The following TMC4 variants were observed in gnomAD, a reference collection of about 807,000 sequenced individuals.
TMC4 encodes voltage-gated chloride channel TMC4.
A neutral mutation model predicts 82.0 loss-of-function variants in TMC4; 70 were observed. That is an observed-to-expected ratio of 0.85 (90% CI 0.70 to 1.04). The LOEUF is 1.04. Among genes scored for constraint, TMC4 ranks in the 50% least tolerant of loss-of-function variants. The pLI is 0.00. For missense variants in TMC4, 879 were observed against 899.0 expected, an observed-to-expected ratio of 0.98 and a Z score of 0.28; for synonymous variants, 446 against 406.0, an observed-to-expected ratio of 1.10 and a Z score of -1.18.
chr19:54,165,415 G>A lies in TMC4; in HGVS notation c.945+4C>T, dbSNP rs1025836822. Reference sequence around the variant, plus strand: ...CAGTTGCAGACCCCGCTCCCTAATCGCACCTTTAATTCGTACAAGATGATG... The same window carrying A: ...CAGTTGCAGACCCCGCTCCCTAATCACACCTTTAATTCGTACAAGATGATG... On this transcript the variant is annotated splice_donor_region_variant and intron_variant, in intron 6 of 14. Transcript: ENST00000619895. 2 of 1,591,716 alleles carry A rather than the reference G, an allele frequency of 1.3e-6. No individual in the cohort carries two copies. Among genetic ancestry groups the A allele is most frequent in the South Asian group, 1.1e-5 (1 of 90,286 alleles).
chr19:54,163,977 C>CA, intron 7 of TMC4, 90 bp from the exon 8 acceptor site: 2 of 1,019,346 alleles, frequency 2.0e-6, no homozygotes, highest in Non-Finnish European at 2.7e-6. Flanking sequence ...TCTTCTTCTT[C>CA]TTTTTTTTTT....
At chr19:54,169,726 G>A in intron 2 of TMC4, 66 bp from the exon 3 acceptor site, 1 of 1,587,262 alleles carries the variant, frequency 6.3e-7, no homozygotes, top group Non-Finnish European at 8.6e-7. Flanking sequence ...TCTGAATGTA[G>A]ACACAATCCA....
intron 2 of TMC4, 36 bp downstream of exon 2, chr19:54,171,834 G>A (rs367777461): frequency 4.4e-5 from 68 of 1,549,746 alleles, no homozygotes; most frequent in African/African-American, 4.0e-4. Flanking sequence ...GGCCCGGTCC[G>A]GGCTGTGCGG....
At position 54,160,152 on chromosome 19, in the gene TMC4, A is replaced by G. The variant is rs1196827315; in HGVS notation, c.*154T>C. ...TTATTGATACAAGGAAGATCACCCG[A>G]GAGTCAGGGACGTGGCGGCGAGGGG... On this transcript the variant is annotated 3_prime_UTR_variant, in exon 15 of 15. Coordinates refer to ENST00000619895, the MANE Select transcript of TMC4 (RefSeq NM_144686.4). 12 of 810,456 alleles carry G rather than the reference A, an allele frequency of 1.5e-5. No individual in the cohort carries two copies. Among genetic ancestry groups the G allele is most frequent in the Non-Finnish European group, 2.1e-5 (11 of 535,558 alleles). 50.2% of individuals were successfully genotyped at this position (810,456 alleles called of 1,614,324 possible).
intron 10 of TMC4, 52 bp from the exon 11 acceptor site, chr19:54,162,337 T>A: frequency 7.7e-7 from 1 of 1,303,872 alleles, no homozygotes; most frequent in South Asian, 1.8e-5. Context: ...CGGCCTGGAG[T>A]TTCCACGCCT....
chr19:54,163,546 T>G (rs1242315322), intron 8 of TMC4, 178 bp downstream of exon 8: 3 of 751,226 alleles, frequency 4.0e-6, no homozygotes, highest in African/African-American at 1.7e-5. Context: ...GACCTCAGCC[T>G]CGGCCTCCCA....
rs1055160044 is a variant in TMC4 at position 54,164,613 on chromosome 19, A to C, written c.946-12T>G. 1 of 1,612,148 alleles carries C rather than the reference A, an allele frequency of 6.2e-7. No individual in the cohort carries two copies. Among genetic ancestry groups the C allele is most frequent in the Non-Finnish European group, 8.5e-7 (1 of 1,179,880 alleles). On this transcript the variant is annotated splice_polypyrimidine_tract_variant and intron_variant, in intron 6 of 14. Coordinates refer to ENST00000619895, the MANE Select transcript of TMC4 (RefSeq NM_144686.4). The stretch of plus-strand genomic sequence containing the variant: ...TCCTCCAGCTCCACCTGAAGGCAGG[A>C]GAGATGCCCGCTTGGACTCCATTTC...
chr19:54,162,304 C>CCGGGCCGGAGTCAGGGGAGTGG lies in TMC4; in HGVS notation c.1503-41_1503-20dup. On this transcript the variant is annotated intron_variant, in intron 10 of 14. Coordinates refer to ENST00000619895, the MANE Select transcript of TMC4 (RefSeq NM_144686.4). ...GAGGAGCCTGAAGGACGGGGCGGGG[C>CCGGGCCGGAGTCAGGGGAGTGG]CGGGCCGGAGTCAGGGGAGTGGCGG... is the stretch of plus-strand genomic sequence containing the variant. 7.1e-7 allele frequency: 1 copy of CCGGGCCGGAGTCAGGGGAGTGG among 1,409,030 alleles called. No homozygotes were observed. The allele number at this position is 1,409,030 out of a possible 1,614,324, so 87.3% of individuals were successfully genotyped here.
chr19:54,162,896 T>A, intron 9 of TMC4, 126 bp from the exon 10 acceptor site: 1 of 1,547,512 alleles, frequency 6.5e-7, no homozygotes, highest in Non-Finnish European at 8.8e-7. Context: ...TCCTCGTTTT[T>A]CAAACTTTCA....
chr19:54,163,144 G>A lies in TMC4; in HGVS notation c.1293C>T (p.Arg431=), dbSNP rs1032559162. 1.9e-6 allele frequency: 3 copies of A among 1,613,802 alleles called. No homozygotes were observed. Among genetic ancestry groups the A allele is most frequent in the African/African-American group, 2.7e-5 (2 of 74,798 alleles). Residue 431 remains arginine, a synonymous_variant, in exon 9 of 15, where the codon CGC becomes CGT. Transcript: ENST00000619895. ...AGAGCAGGACCACCAGGGAGGCGAG[G>A]CGAAGAAACACGGTCCTGAAGGGGG... The part of the protein sequence containing the change: ...VFILLRTVFL[R]LASLVVLLFS...
chr19:54,169,567 T>C lies in TMC4; in HGVS notation c.387A>G (p.Thr129=). 1 of 1,613,942 alleles carries C rather than the reference T, an allele frequency of 6.2e-7. No individual in the cohort carries two copies. The highest frequency in any genetic ancestry group is 8.5e-7 in the Non-Finnish European group (1 of 1,180,032). Residue 129 remains threonine (T), a synonymous_variant, in exon 3 of 15, where the codon ACA becomes ACG. Transcript: ENST00000619895. The part of the protein sequence containing the change: ...ARLLRRSKEK[T]KEGLRSLQPW... The stretch of plus-strand genomic sequence containing the variant: ...GCTGCAGGCTTCGCAAGCCTTCCTT[T>C]GTTTTCTCCTTGGACCTCCGAAGTA...
rs79148248 is a variant in TMC4 at position 54,172,032 on chromosome 19, C to T, written c.131G>A (p.Arg44Gln). 5.2e-4 allele frequency: 838 copies of T among 1,613,184 alleles called. 3 individuals carry two copies. The African/African-American group carries it at 9.9e-3, about 19-fold the overall frequency. ...AGGCAGCACCCCAGGGTCTCGGTAC[C>T]GAAGGGTGGCAGCACTGGGCAGCTC... ...LNELPSAATLRYRDPGVLPWG... is the reference protein window; with the variant it reads ...LNELPSAATLQYRDPGVLPWG... The change falls in exon 2 of 15, where the codon CGG (arginine) becomes CAG (glutamine). Residue 44 changes from arginine to glutamine, a missense_variant. Transcript: ENST00000619895.
Position 54,160,989 on chromosome 19 carries a change from G to C in TMC4, c.1862C>G (p.Ser621Cys). 6.2e-7 allele frequency: 1 copy of C among 1,614,198 alleles called. No individual in the cohort carries two copies. The highest frequency in any genetic ancestry group is 8.5e-7 in the Non-Finnish European group (1 of 1,180,042). Residue 621 changes from serine to cysteine, a missense_variant, in exon 13 of 15, where the codon TCC becomes TGC. Physicochemically the swap from Ser to Cys is moderately radical, Grantham distance 112. Transcript: ENST00000619895. ...AGACTCAGGGATCTGGGCCCAGATG[G>C]ACGACTGCCCCCGGAATGGACCACA... The part of the protein sequence containing the change: ...KLCGPFRGQS[S>C]IWAQIPESIS...
Position 54,171,074 on chromosome 19 carries a change from T to TATAC in TMC4, c.293+795_293+796insGTAT, listed in dbSNP as rs2075872495. Among the ~76,000 whole-genome samples, 3 of 151,346 alleles carry TATAC rather than the reference T, an allele frequency of 2.0e-5. No homozygotes were observed. The South Asian group carries it at 6.2e-4, about 32-fold the overall frequency. The stretch of plus-strand genomic sequence containing the variant: ...CCATATATATACACATATATATACA[T>TATAC]ATATATGTGTATATATATACACACA... On this transcript the variant is annotated intron_variant, in intron 2 of 14. Transcript: ENST00000619895.
At position 54,164,497 on chromosome 19, in the gene TMC4, G is replaced by C; in HGVS notation, c.1050C>G (p.Val350=). The change falls in exon 7 of 15, where the codon GTC becomes GTG. Residue 350 remains valine (V), a synonymous_variant. Coordinates refer to ENST00000619895, the MANE Select transcript of TMC4 (RefSeq NM_144686.4). ...CATAGAAGGCTGCCCCCAGGAGCGCGACCACCAGCAGGTTGAGCAGCACCC... is the reference window on the plus strand; with the variant it reads ...CATAGAAGGCTGCCCCCAGGAGCGCCACCACCAGCAGGTTGAGCAGCACCC... ...LVRVLLNLLV[V]ALLGAAFYGV... 1 of 1,613,672 alleles carries C rather than the reference G, an allele frequency of 6.2e-7. No individual in the cohort carries two copies. The highest frequency in any genetic ancestry group is 8.5e-7 in the Non-Finnish European group (1 of 1,179,956).
chr19:54,160,604 C>G (rs2146856199), intron 13 of TMC4, 59 bp from the exon 14 acceptor site: 1 of 1,610,670 alleles, frequency 6.2e-7, no homozygotes, highest in Non-Finnish European at 8.5e-7. Context: ...ATCCAAACGT[C>G]TGGCTCCTTC....
chr19:54,160,687 C>G, intron 13 of TMC4, 142 bp from the exon 14 acceptor site: 1 of 1,473,948 alleles, frequency 6.8e-7, no homozygotes, highest in Non-Finnish European at 9.1e-7. Flanking sequence ...GCCCCTCCGC[C>G]TTCAGATCCA....
At chr19:54,171,080 TG>T (rs2075872919) in intron 2 of TMC4, among the ~76,000 whole-genome samples, 2 of 41,950 alleles carry the variant, frequency 4.8e-5, no homozygotes, top group African/African-American at 2.1e-4. Flanking sequence ...TACATATATA[TG>T]TGTATATATA....
intron 2 of TMC4, among the ~76,000 whole-genome samples, chr19:54,171,295 G>T (rs919702223): frequency 2.6e-5 from 4 of 152,070 alleles, no homozygotes; most frequent in African/African-American, 7.2e-5. Context: ...TTTTAGTAGA[G>T]TTGGGGTTTT....
Sources: allele counts gnomAD v4.1 joint callset (sites outside exome capture counted in the v4.1 genomes callset), GRCh38; gene constraint gnomAD v4.1.1; transcripts MANE v1.5; gene names NCBI Gene and HGNC (gene_info 2026-07-23, HGNC 2026-07-21).